VEZF1: variants seen among roughly 807,000 people sequenced by gnomAD.
VEZF1 encodes the protein putative transcription factor DB1.
In VEZF1, 5 loss-of-function variants were observed where a neutral mutation model predicts 44.1. That is an observed-to-expected ratio of 0.11 (90% confidence interval 0.06 to 0.24). The LOEUF is 0.24. VEZF1 is among the 10% of genes least tolerant of loss of function. The pLI is 1.00. For missense variants in VEZF1, 358 were observed against 641.8 expected, an observed-to-expected ratio of 0.56 and a Z score of 4.78; for synonymous variants, 236 against 233.1, an observed-to-expected ratio of 1.01 and a Z score of -0.11.
rs779205505 is a variant in VEZF1, at chr17:57,979,116, C to G, written c.1138+36G>C. The G allele has an allele frequency of 1.9e-6, 3 of 1,603,254 alleles. No homozygotes were observed. The South Asian group carries it at 3.3e-5, about 18-fold the overall frequency. ...TGGCATACTAAATGAAAACACTTCT[C>G]TAGCCATATTTTCAACACTGGAAGC... On this transcript the variant is annotated intron_variant, in intron 5 of 5. Transcript: ENST00000581208.
intron 5 of VEZF1, among the ~76,000 whole-genome samples, chr17:57,978,517 C>T (rs1284141484): frequency 6.6e-6 from 1 of 152,102 alleles, no homozygotes; most frequent in Non-Finnish European, 1.5e-5. Flanking sequence ...CCAACTGATT[C>T]GTTAGAAAAT....
At chr17:57,981,809 G>A (rs2075251951) in intron 3 of VEZF1, 64 bp downstream of exon 3, 1 of 1,498,276 alleles carries the variant, frequency 6.7e-7, no homozygotes, top group Non-Finnish European at 9.3e-7. Flanking sequence ...GATTCAACTG[G>A]CTCAGACCTT....
intron 5 of VEZF1, among the ~76,000 whole-genome samples, chr17:57,975,409 G>T (rs1332279929): frequency 1.3e-5 from 2 of 152,240 alleles, no homozygotes; most frequent in Non-Finnish European, 2.9e-5. Context: ...GCAGAGAGAG[G>T]TGTGCATACT....
chr17:57,985,279 G>C, intron 1 of VEZF1: 1 of 1,231,680 alleles, frequency 8.1e-7, no homozygotes, highest in East Asian at 3.2e-5. Context: ...TCAGATGTCT[G>C]TGGCAACATA....
Position 57,979,324 on chromosome 17 carries a change from GACAAACCAAAA to G in VEZF1, c.977-22_977-12del. The G allele has an allele frequency of 6.2e-7, 1 of 1,612,844 alleles. No individual in the cohort carries two copies. Among genetic ancestry groups the G allele is most frequent in the Non-Finnish European group, 8.5e-7 (1 of 1,179,554 alleles). On this transcript the variant is annotated splice_polypyrimidine_tract_variant and intron_variant, in intron 4 of 5. Transcript: ENST00000581208. ...CTTCACTCATGCATGCTATTACAAA[GACAAACCAAAA>G]ACACTGTATCTACCTGTAAAACTGT...
Position 57,971,650 on chromosome 17 carries a change from A to C in VEZF1, c.*2823T>G, listed in dbSNP as rs2075136938. On this transcript the variant is annotated 3_prime_UTR_variant, in exon 6 of 6. Transcript: ENST00000581208. The stretch of plus-strand genomic sequence containing the variant: ...TGACAGGTAAAATCATCATCTGCTT[A>C]CATAGAAACCTTCATTCAGGAGCAC... 2 of 152,748 alleles carry C rather than the reference A, an allele frequency of 1.3e-5. No individual in the cohort carries two copies. The highest frequency in any genetic ancestry group is 4.1e-4 in the South Asian group (2 of 4,832). The allele number at this position is 152,748 out of a possible 1,614,324, so 9.5% of individuals were successfully genotyped here.
At chr17:57,979,072 C>T (rs574363500) in intron 5 of VEZF1, 80 bp downstream of exon 5, 7 of 1,521,950 alleles carry the variant, frequency 4.6e-6, no homozygotes, top group African/African-American at 1.4e-5. Flanking sequence ...AAAACTGTGG[C>T]TTCTCTACTT....
intron 1 of VEZF1, among the ~76,000 whole-genome samples, chr17:57,987,734 C>T (rs552200580): frequency 6.6e-6 from 1 of 152,196 alleles, no homozygotes; most frequent in South Asian, 2.1e-4. Flanking sequence ...GGCCCGGCGC[C>T]CTCCTTTCTC....
rs142895362 is a variant in VEZF1 at position 57,980,721 on chromosome 17, C to T, written c.858G>A (p.Lys286=). Residue 286 remains lysine (K), a synonymous_variant, in exon 4 of 6, where the codon AAG becomes AAA. Coordinates refer to ENST00000581208, the MANE Select transcript of VEZF1 (RefSeq NM_007146.3). ...GCTTCCCACAGATGTTACATGATACCTTGCCTTCATGGCGCACCATGTGTG... is the reference window on the plus strand; with the variant it reads ...GCTTCCCACAGATGTTACATGATACTTTGCCTTCATGGCGCACCATGTGTG... The part of the protein sequence containing the change: ...LRTHMVRHEG[K]VSCNICGKLL... 102 of 1,614,098 alleles carry T rather than the reference C, an allele frequency of 6.3e-5. No individual in the cohort carries two copies. Among genetic ancestry groups the T allele is most frequent in the Non-Finnish European group, 4.5e-5 (53 of 1,180,048 alleles).
chr17:57,979,439 C>CT, intron 4 of VEZF1, 126 bp from the exon 5 acceptor site: 3 of 1,406,504 alleles, frequency 2.1e-6, no homozygotes, highest in South Asian at 1.5e-5. Context: ...GTAAGTGCAT[C>CT]TTTTTTGCTG....
chr17:57,984,528 G>A (rs1598049827), intron 1 of VEZF1, among the ~76,000 whole-genome samples: 2 of 152,178 alleles, frequency 1.3e-5, no homozygotes, highest in African/African-American at 4.8e-5. Flanking sequence ...CTAATAAGAT[G>A]CATGCACTCA....
chr17:57,981,474 T>C (rs958620499), intron 3 of VEZF1, among the ~76,000 whole-genome samples: 19 of 152,196 alleles, frequency 1.2e-4, no homozygotes, highest in Admixed American at 1.2e-3. Flanking sequence ...ATCTAGTAAG[T>C]GGTAACATTT....
chr17:57,983,863 C>T (rs771642011), intron 1 of VEZF1, among the ~76,000 whole-genome samples: 3 of 152,192 alleles, frequency 2.0e-5, no homozygotes, highest in Non-Finnish European at 4.4e-5. Context: ...AGCATCATGT[C>T]TTTCTATCAG....
rs1401697768 is a variant in VEZF1 at position 57,980,637 on chromosome 17, G to T, written c.942C>A (p.Ile314=). The change falls in exon 4 of 6, where the codon ATC becomes ATA. Residue 314 remains isoleucine (I), a synonymous_variant. Transcript: ENST00000581208. ...TGCCTTGTTTACATGTATTACAGTTGATACTTTGGCTCTGCCCATGAGTCT... is the reference window on the plus strand; with the variant it reads ...TGCCTTGTTTACATGTATTACAGTTTATACTTTGGCTCTGCCCATGAGTCT... ...HLKTHGQSQS[I]NCNTCKQGIS... is the part of the protein sequence containing the mutation. 22 of 1,613,248 alleles carry T rather than the reference G, an allele frequency of 1.4e-5. No homozygotes were observed. Among genetic ancestry groups the T allele is most frequent in the Non-Finnish European group, 1.8e-5 (21 of 1,180,044 alleles).
chr17:57,977,486 T>A (rs1334097547), intron 5 of VEZF1, among the ~76,000 whole-genome samples: 2 of 152,134 alleles, frequency 1.3e-5, no homozygotes, highest in Non-Finnish European at 2.9e-5. Flanking sequence ...AAGCAGCACC[T>A]GAGGAATGAT....
At chr17:57,979,787 C>A (rs1406438946) in intron 4 of VEZF1, among the ~76,000 whole-genome samples, 1 of 151,640 alleles carries the variant, frequency 6.6e-6, no homozygotes, top group Non-Finnish European at 1.5e-5. Flanking sequence ...CGGTGAAACG[C>A]CGTCTCTATG....
intron 1 of VEZF1, chr17:57,985,170 G>T: frequency 1.1e-6 from 1 of 879,028 alleles, no homozygotes; most frequent in Non-Finnish European, 1.5e-6. Context: ...CAGATCTTCT[G>T]GACAAAGTTC....
At chr17:57,979,611 A>C (rs1252923416) in intron 4 of VEZF1, among the ~76,000 whole-genome samples, 1 of 151,902 alleles carries the variant, frequency 6.6e-6, no homozygotes, top group Non-Finnish European at 1.5e-5. Context: ...TTAATATAGG[A>C]CTAATCAACA....
intron 1 of VEZF1, among the ~76,000 whole-genome samples, chr17:57,987,280 C>T (rs2075304371): frequency 6.6e-6 from 1 of 152,128 alleles, no homozygotes; most frequent in Admixed American, 6.5e-5. Flanking sequence ...CACCGCTCCC[C>T]GCCTGCCCCG....
Sources: gnomAD v4.1 joint callset for allele counts (sites outside exome capture counted in the v4.1 genomes callset) on GRCh38, gnomAD v4.1.1 for gene constraint, MANE v1.5 for transcripts, NCBI Gene and HGNC (gene_info 2026-07-23, HGNC 2026-07-21) for gene names.